The following MOB1B variants were observed in gnomAD, a reference collection of about 807,000 sequenced individuals.
MOB1B encodes MOB kinase activator 1B.
A neutral mutation model predicts 24.4 loss-of-function variants in MOB1B; 19 were observed. The ratio of observed to expected loss-of-function variants is 0.78; its 90% CI spans 0.54 to 1.14. The LOEUF is 1.14. MOB1B is among the 50% of genes most tolerant of loss of function. The probability of loss-of-function intolerance (pLI) is 0.00; values close to 1 mark genes in which losing one functional copy is unlikely to be tolerated. For missense variants in MOB1B, 243 were observed against 259.6 expected (o/e 0.94, Z 0.44); for synonymous variants, 76 against 82.1 (o/e 0.93, Z 0.40).
intron 1 of MOB1B, among the ~76,000 whole-genome samples, chr4:70,910,359 C>G (rs1174139282): frequency 1.3e-5 from 2 of 151,822 alleles, no homozygotes; most frequent in Non-Finnish European, 2.9e-5. Context: ...CTTATACTAT[C>G]ATCTATAATT....
At chr4:70,977,677 A>C (rs917920599) in intron 4 of MOB1B, among the ~76,000 whole-genome samples, 1 of 152,000 alleles carries the variant, frequency 6.6e-6, no homozygotes, top group Non-Finnish European at 1.5e-5. Context: ...TCCTGAATAC[A>C]GTATACTATT....
chr4:70,966,826 C>CAAT (rs1434585298), intron 2 of MOB1B, among the ~76,000 whole-genome samples: 1 of 149,126 alleles, frequency 6.7e-6, no homozygotes, highest in African/African-American at 2.5e-5. Flanking sequence ...CAAGCCTGGG[C>CAAT]AATAGAGTGA....
At chr4:70,923,383 C>T (rs1035407107) in intron 1 of MOB1B, among the ~76,000 whole-genome samples, 9 of 151,986 alleles carry the variant, frequency 5.9e-5, no homozygotes, top group South Asian at 2.1e-4. Context: ...GTGCCACATG[C>T]GTAGAGACGA....
intron 1 of MOB1B, among the ~76,000 whole-genome samples, chr4:70,939,933 T>A (rs374221449): frequency 6.6e-6 from 1 of 152,122 alleles, no homozygotes; most frequent in Non-Finnish European, 1.5e-5. Flanking sequence ...GGGGAGATGA[T>A]TTTCCCCTGG....
chr4:70,903,974 C>T (rs149653854), intron 1 of MOB1B, among the ~76,000 whole-genome samples: 51 of 80,982 alleles, frequency 6.3e-4, no homozygotes, highest in South Asian at 1.1e-3. Flanking sequence ...TATTTTAGTT[C>T]TTTTTTTTTT....
chr4:70,908,077 G>C (rs1735820034), intron 1 of MOB1B, among the ~76,000 whole-genome samples: 1 of 150,648 alleles, frequency 6.6e-6, no homozygotes, highest in African/African-American at 2.4e-5. Context: ...CCAGGCTGGA[G>C]TCCAGTGGCG....
At chr4:70,917,784 C>T (rs1736252675) in intron 1 of MOB1B, among the ~76,000 whole-genome samples, 1 of 152,052 alleles carries the variant, frequency 6.6e-6, no homozygotes, top group Non-Finnish European at 1.5e-5. Context: ...TTTAAATGGC[C>T]CATCAGGTCA....
chr4:70,985,275 T>C lies in MOB1B; in HGVS notation c.*3218T>C, dbSNP rs1739343573. 1 of 152,164 alleles carries C rather than the reference T, an allele frequency of 6.6e-6. No homozygotes were observed. The highest frequency in any genetic ancestry group is 1.5e-5 in the Non-Finnish European group (1 of 68,028). The allele number at this position is 152,164 out of a possible 1,614,324, so 9.4% of individuals were successfully genotyped here. The stretch of plus-strand genomic sequence containing the variant: ...GAATATGTGAGATACAAATATTGAG[T>C]TGTAGAACTTTCTTTTTAAGGTGAA... On this transcript the variant is annotated 3_prime_UTR_variant, in exon 6 of 6. Coordinates refer to ENST00000309395, the MANE Select transcript of MOB1B (RefSeq NM_173468.4).
At chr4:70,927,925 C>T (rs544179688) in intron 1 of MOB1B, among the ~76,000 whole-genome samples, 5 of 152,194 alleles carry the variant, frequency 3.3e-5, no homozygotes, top group Non-Finnish European at 7.3e-5. Flanking sequence ...ATCCCTCCCC[C>T]ACAGTGTTCA....
At chr4:70,929,801 G>A (rs537572097) in intron 1 of MOB1B, among the ~76,000 whole-genome samples, 88 of 152,160 alleles carry the variant, frequency 5.8e-4, no homozygotes, top group Non-Finnish European at 1.1e-3. Context: ...ACCCGCCACT[G>A]CGCCCAGCTA....
intron 1 of MOB1B, among the ~76,000 whole-genome samples, chr4:70,903,974 C>CTTTTTTTTTTTTTTTTTTTTTTTT (rs754257097): frequency 1.7e-4 from 14 of 81,004 alleles, no homozygotes; most frequent in East Asian, 4.4e-4. Flanking sequence ...TATTTTAGTT[C>CTTTTTTTTTTTTTTTTTTTTTTTT]TTTTTTTTTT....
intron 1 of MOB1B, among the ~76,000 whole-genome samples, chr4:70,916,744 T>A (rs928372375): frequency 1.3e-5 from 2 of 152,180 alleles, no homozygotes; most frequent in African/African-American, 4.8e-5. Context: ...AGTTTTTGTA[T>A]TTTTAGTAGA....
intron 2 of MOB1B, among the ~76,000 whole-genome samples, chr4:70,964,350 G>T (rs1738429108): frequency 6.6e-6 from 1 of 152,156 alleles, no homozygotes; most frequent in African/African-American, 2.4e-5. Flanking sequence ...TACATTCTCT[G>T]ACCATGGTGG....
intron 1 of MOB1B, among the ~76,000 whole-genome samples, chr4:70,923,940 CAAA>C (rs34422316): frequency 1.8e-5 from 1 of 54,256 alleles, no homozygotes; most frequent in Admixed American, 2.1e-4. Context: ...GAGTGAGACT[CAAA>C]AAAAAAAAAA....
At chr4:70,968,380 C>T (rs756179001) in intron 2 of MOB1B, among the ~76,000 whole-genome samples, 1 of 152,176 alleles carries the variant, frequency 6.6e-6, no homozygotes, top group Admixed American at 6.5e-5. Flanking sequence ...GGCACGATCT[C>T]GGGTCACTGC....
chr4:70,906,442 GA>G (rs534968549), intron 1 of MOB1B, among the ~76,000 whole-genome samples: 1 of 152,122 alleles, frequency 6.6e-6, no homozygotes, highest in Non-Finnish European at 1.5e-5. Flanking sequence ...TGACAAGAGA[GA>G]AAAAAATCCC....
chr4:70,940,390 T>C (rs1737279987), intron 1 of MOB1B, among the ~76,000 whole-genome samples: 2 of 152,136 alleles, frequency 1.3e-5, no homozygotes, highest in Admixed American at 6.5e-5. Context: ...ACCACTGCAC[T>C]CTAGCCTGGG....
chr4:70,955,292 AC>A (rs1419556553), intron 1 of MOB1B, among the ~76,000 whole-genome samples: 1 of 152,048 alleles, frequency 6.6e-6, no homozygotes, highest in African/African-American at 2.4e-5. Flanking sequence ...GCTGCTTGTC[AC>A]ATCTTCAGTT....
chr4:70,927,508 C>T (rs1736701670), intron 1 of MOB1B, among the ~76,000 whole-genome samples: 1 of 151,948 alleles, frequency 6.6e-6, no homozygotes, highest in Non-Finnish European at 1.5e-5. Flanking sequence ...CCACTGTACC[C>T]CAGCCTGGGC....
Sources: gnomAD v4.1 joint callset for allele counts (sites outside exome capture counted in the v4.1 genomes callset) on GRCh38, gnomAD v4.1.1 for gene constraint, MANE v1.5 for transcripts, NCBI Gene and HGNC (gene_info 2026-07-23, HGNC 2026-07-21) for gene names.